PLEKHA7: variants seen among roughly 807,000 people sequenced by gnomAD.
PLEKHA7 encodes the protein pleckstrin homology domain-containing family A member 7.
A neutral mutation model predicts 170.0 loss-of-function variants in PLEKHA7; 104 were observed. That is an observed-to-expected ratio of 0.61 (90% CI 0.52 to 0.72). PLEKHA7 has a LOEUF of 0.72. Ranked by LOEUF, PLEKHA7 falls within the 30% of genes least tolerant of loss-of-function variation. The pLI, the probability that PLEKHA7 is intolerant of heterozygous loss-of-function variation, is 0.00. For missense variants in PLEKHA7, 1,615 were observed against 1,671.7 expected, an observed-to-expected ratio of 0.97 and a Z score of 0.59; for synonymous variants, 648 against 660.8, an observed-to-expected ratio of 0.98 and a Z score of 0.30.
At chr11:16,876,741 T>C (rs1855324942) in intron 3 of PLEKHA7, among the ~76,000 whole-genome samples, 1 of 152,252 alleles carries the variant, frequency 6.6e-6, no homozygotes, top group Admixed American at 6.5e-5. Context: ...CTAGTCAAAA[T>C]GTAAATGCAT....
chr11:16,796,500 G>A (rs1848238109), intron 17 of PLEKHA7, among the ~76,000 whole-genome samples: 1 of 152,154 alleles, frequency 6.6e-6, no homozygotes, highest in African/African-American at 2.4e-5. Context: ...TTTGGCAAGG[G>A]CAGAGGGGAC....
At chr11:16,851,098 C>T (rs117012210) in intron 8 of PLEKHA7, 93 bp downstream of exon 8, 11,198 of 925,440 alleles carry the variant, frequency 0.012, 94 homozygotes, top group Non-Finnish European at 0.014. Flanking sequence ...TAGCTTCTTC[C>T]CCCTCCCGAC....
intron 10 of PLEKHA7, among the ~76,000 whole-genome samples, chr11:16,820,968 TG>T (rs1850171856): frequency 6.6e-6 from 1 of 152,154 alleles, no homozygotes. Flanking sequence ...TGCGAGCAAG[TG>T]GGTGCTTCCA....
chr11:16,781,549 T>C (rs1564896916), intron 26 of PLEKHA7, among the ~76,000 whole-genome samples: 1 of 152,134 alleles, frequency 6.6e-6, no homozygotes, highest in Non-Finnish European at 1.5e-5. Context: ...AGCCATCTCC[T>C]GCATCCCTAA....
intron 13 of PLEKHA7, among the ~76,000 whole-genome samples, chr11:16,808,620 C>T (rs1849150519): frequency 6.6e-6 from 1 of 152,176 alleles, no homozygotes; most frequent in Non-Finnish European, 1.5e-5. Flanking sequence ...ACGGCACATC[C>T]CTCACTGAAG....
intron 9 of PLEKHA7, among the ~76,000 whole-genome samples, chr11:16,840,012 GC>G (rs1564992328): frequency 6.6e-6 from 1 of 152,114 alleles, no homozygotes; most frequent in Non-Finnish European, 1.5e-5. Flanking sequence ...TGTGAGGTAA[GC>G]CCCGCAGGCT....
In PLEKHA7 at chr11:16,899,945, T is replaced by TA. The variant is rs556826350; in HGVS notation, c.222-28764dup. 8.5e-5 allele frequency among the ~76,000 whole-genome samples: 13 copies of TA among 152,282 alleles called. 1 individual carries two copies. The East Asian group carries it at 2.1e-3, about 25-fold the overall frequency. ...AGGTGTCAGCAGGGAGCCCAGGTGC[T>TA]AGGGGTAGGCAGGGAAGTGTCAGTG... On this transcript the variant is annotated intron_variant, in intron 3 of 26. Transcript: ENST00000531066.
At chr11:16,783,472 G>C (rs943348647) in intron 25 of PLEKHA7, among the ~76,000 whole-genome samples, 2 of 152,246 alleles carry the variant, frequency 1.3e-5, no homozygotes, top group Non-Finnish European at 2.9e-5. Context: ...TGACAGCCCA[G>C]GACAAGAAGC....
At chr11:16,954,819 T>C (rs1861608901) in intron 3 of PLEKHA7, among the ~76,000 whole-genome samples, 1 of 151,382 alleles carries the variant, frequency 6.6e-6, no homozygotes, top group Non-Finnish European at 1.5e-5. Flanking sequence ...GCCTCCGGAG[T>C]AGCTGGGATT....
chr11:16,920,518 A>G (rs1859010484), intron 3 of PLEKHA7, among the ~76,000 whole-genome samples: 1 of 152,212 alleles, frequency 6.6e-6, no homozygotes, highest in Admixed American at 6.5e-5. Context: ...CTTGGTCCTT[A>G]ATTTCCTCCA....
chr11:16,942,049 C>A (rs1860731922), intron 3 of PLEKHA7, among the ~76,000 whole-genome samples: 1 of 152,322 alleles, frequency 6.6e-6, no homozygotes, highest in African/African-American at 2.4e-5. Context: ...CGCGTAAGTT[C>A]TAAGGATCTT....
In PLEKHA7 at chr11:16,906,849, T is replaced by C. The variant is rs1365855264; in HGVS notation, c.222-35667A>G. The stretch of plus-strand genomic sequence containing the variant: ...CAGTCTGGAAAGTGAGGAGCATCTC[T>C]GCCCGGCCGCCATCCCATCTAGGAA... On this transcript the variant is annotated intron_variant, in intron 3 of 26. Coordinates refer to ENST00000531066, the MANE Select transcript of PLEKHA7 (RefSeq NM_001329630.2). Among the ~76,000 whole-genome samples, 55 of 137,618 alleles carry C rather than the reference T, an allele frequency of 4.0e-4. 1 individual carries two copies. The highest frequency in any genetic ancestry group is 7.1e-4 in the Admixed American group (10 of 14,106). The allele number at this position is 137,618 out of a possible 152,430, so 90.3% of individuals were successfully genotyped here. A position where few individuals can be genotyped will look rare whatever the true frequency, so the allele number is the denominator to read the frequency against.
chr11:16,879,498 A>C (rs1028992297), intron 3 of PLEKHA7, among the ~76,000 whole-genome samples: 2 of 152,166 alleles, frequency 1.3e-5, no homozygotes, highest in Non-Finnish European at 2.9e-5. Context: ...GAGAGCATAG[A>C]GCAGGGCAAC....
rs201079371 is a variant in PLEKHA7, at chr11:16,789,154, C to T, written c.3299G>A (p.Arg1100Lys). 16 of 1,611,502 alleles carry T rather than the reference C, an allele frequency of 9.9e-6. No homozygotes were observed. The African/African-American group carries it at 2.1e-4, about 21-fold the overall frequency. ...ERKRTLGQGE[R>K]TGLPSSRYLS... ...GTAGCGAGATGAGGGCAGGCCCGTC[C>T]TCTCCCCTTGGCCCAGTGTCCTCTT... Residue 1100 changes from arginine (R) to lysine (K), a missense_variant, in exon 23 of 27, where the codon AGG becomes AAG. Coordinates refer to ENST00000531066, the MANE Select transcript of PLEKHA7 (RefSeq NM_001329630.2). The surrounding 1 kb of genome is among the most constrained non-coding windows in gnomAD (Gnocchi z 4.6).
chr11:16,830,849 G>C (rs972139175), intron 9 of PLEKHA7, among the ~76,000 whole-genome samples: 2 of 152,154 alleles, frequency 1.3e-5, no homozygotes, highest in Non-Finnish European at 2.9e-5. Flanking sequence ...ATAAACACCT[G>C]ACCCTCAAAT....
chr11:16,833,912 G>A (rs1015718896), intron 9 of PLEKHA7, among the ~76,000 whole-genome samples: 9 of 152,088 alleles, frequency 5.9e-5, no homozygotes, highest in African/African-American at 9.7e-5. Flanking sequence ...GGCCGGGCAC[G>A]GTGGCTCACA....
At chr11:16,925,844 C>T (rs1430249058) in intron 3 of PLEKHA7, among the ~76,000 whole-genome samples, 1 of 152,224 alleles carries the variant, frequency 6.6e-6, no homozygotes, top group Non-Finnish European at 1.5e-5. Context: ...GCCAGGACGG[C>T]GCGTCCGAGC....
intron 3 of PLEKHA7, among the ~76,000 whole-genome samples, chr11:16,982,831 AGG>A (rs1186932363): frequency 1.7e-5 from 2 of 118,312 alleles, no homozygotes; most frequent in African/African-American, 7.0e-5. Context: ...AGAGAGAGAG[AGG>A]GAGAGAGAGA....
Position 16,788,651 on chromosome 11 carries a change from G to C in PLEKHA7, c.3357+445C>G, listed in dbSNP as rs1007259063. 2.4e-4 allele frequency: 53 copies of C among 216,652 alleles called. 1 individual carries two copies. In the Admixed American group the frequency reaches 2.5e-3, roughly 10 times the overall value. The allele number at this position is 216,652 out of a possible 1,614,324, so 13.4% of individuals were successfully genotyped here. A position where few individuals can be genotyped will look rare whatever the true frequency, so the allele number is the denominator to read the frequency against. ...GGGAGACCAGTGGCCCTTGGGGCAG[G>C]GGTGTGACCCCGTGCTCCATCACCC... On this transcript the variant is annotated intron_variant, in intron 23 of 26. Coordinates refer to ENST00000531066, the MANE Select transcript of PLEKHA7 (RefSeq NM_001329630.2).
Sources: allele counts gnomAD v4.1 joint callset (sites outside exome capture counted in the v4.1 genomes callset), GRCh38; gene constraint gnomAD v4.1.1; non-coding constraint Gnocchi (gnomAD v3.1); transcripts MANE v1.5; gene names NCBI Gene and HGNC (gene_info 2026-07-23, HGNC 2026-07-21).